The following TDRD6 variants were observed in gnomAD, a reference collection of about 807,000 sequenced individuals.
TDRD6 encodes the protein tudor domain containing 6, also known as tudor domain-containing protein 6.
A neutral mutation model predicts 157.5 loss-of-function variants in TDRD6; 186 were observed. The ratio of observed to expected loss-of-function variants is 1.18; its 90% CI spans 1.05 to 1.33. The LOEUF (loss-of-function observed/expected upper bound fraction) is 1.33. Ranked by LOEUF, TDRD6 falls within the 40% of genes most tolerant of loss-of-function variation. The probability of loss-of-function intolerance (pLI) is 0.00; values close to 1 mark genes in which losing one functional copy is unlikely to be tolerated. For missense variants in TDRD6, 3,066 were observed against 2,508.0 expected (o/e 1.22, Z -4.75); for synonymous variants, 1,075 against 945.2 (o/e 1.14, Z -2.52).
chr6:46,693,067 T>C lies in TDRD6; in HGVS notation c.4939T>C (p.Ser1647Pro), dbSNP rs1193971216. ...SGFNISEGLC[S>P]QEGNDYFYEI... ...GTTTAACATTTCAGAAGGATTATGT[T>C]CTCAAGAGGGAAATGACTATTTCTA... Residue 1647 changes from serine to proline, a missense_variant, in exon 1 of 4, where the codon TCT becomes CCT. Ser to Pro is a moderately conservative substitution (Grantham distance 74, BLOSUM62 -1). Transcript: ENST00000316081. 1 of 1,613,996 alleles carries C rather than the reference T, an allele frequency of 6.2e-7. No individual in the cohort carries two copies. The highest frequency in any genetic ancestry group is 8.5e-7 in the Non-Finnish European group (1 of 1,179,984).
At position 46,690,090 on chromosome 6, in the gene TDRD6, A is replaced by G. The variant is rs200022627; in HGVS notation, c.1962A>G (p.Glu654=). Residue 654 remains glutamate, a synonymous_variant, in exon 1 of 4, where the codon GAA becomes GAG. Coordinates refer to ENST00000316081, the MANE Select transcript of TDRD6 (RefSeq NM_001010870.3). Reference sequence around the variant, plus strand: ...TTGACGAATCAAGAACAGGGGAAGAAAACATTAGTAAGGTAATTGCCCAAG... The same window carrying G: ...TTGACGAATCAAGAACAGGGGAAGAGAACATTAGTAAGGTAATTGCCCAAG... ...EILDESRTGE[E]NISKVIAQAG... 2 of 1,614,038 alleles carry G rather than the reference A, an allele frequency of 1.2e-6. No homozygotes were observed. The highest frequency in any genetic ancestry group is 4.5e-5 in the East Asian group (2 of 44,890).
At position 46,701,855 on chromosome 6, in the gene TDRD6, C is replaced by T; in HGVS notation, c.6262-3C>T. 1.2e-6 allele frequency: 2 copies of T among 1,611,900 alleles called. No homozygotes were observed. Among genetic ancestry groups the T allele is most frequent in the Non-Finnish European group, 1.7e-6 (2 of 1,178,592 alleles). On this transcript the variant is annotated splice_region_variant and splice_polypyrimidine_tract_variant and intron_variant, in intron 3 of 3. Coordinates refer to ENST00000316081, the MANE Select transcript of TDRD6 (RefSeq NM_001010870.3). The stretch of plus-strand genomic sequence containing the variant: ...GTTTGAAGTTTTTCTCTTTTTGTTT[C>T]AGAAAAGGGGTTTGGAGGTGATGGA...
chr6:46,696,234 T>A (rs1409228016), intron 2 of TDRD6, among the ~76,000 whole-genome samples: 1 of 152,040 alleles, frequency 6.6e-6, no homozygotes, highest in African/African-American at 2.4e-5. Flanking sequence ...TTATATCTAA[T>A]GCCACTACCT....
chr6:46,692,168 A>G lies in TDRD6; in HGVS notation c.4040A>G (p.Tyr1347Cys), dbSNP rs1562056665. The G allele has an allele frequency of 1.9e-6, 3 of 1,614,128 alleles. No individual in the cohort carries two copies. The highest frequency in any genetic ancestry group is 2.5e-6 in the Non-Finnish European group (3 of 1,179,986). The part of the protein sequence containing the change: ...RLNSVKTRPE[Y>C]YVGPPLQRGD... ...AACAGTGTTAAAACAAGGCCCGAAT[A>G]TTATGTAGGTCCACCTTTGCAAAGA... The change falls in exon 1 of 4, where the codon TAT becomes TGT. Residue 1347 changes from tyrosine (Y) to cysteine (C), a missense_variant. By Grantham distance (194) the Tyr-to-Cys change is radical (BLOSUM62 -2). Coordinates refer to ENST00000316081, the MANE Select transcript of TDRD6 (RefSeq NM_001010870.3).
rs1018050322 is a variant in TDRD6, at chr6:46,693,439, C to T, written c.5311C>T (p.Pro1771Ser). Reference sequence around the variant, plus strand: ...AACCAAACCAAGTAACTTCCGTGACCCTAAAACTGATAACATTTGTGAAGG... The same window carrying T: ...AACCAAACCAAGTAACTTCCGTGACTCTAAAACTGATAACATTTGTGAAGG... ...IGTKPSNFRDPKTDNICEGFE... is the reference protein window; with the variant it reads ...IGTKPSNFRDSKTDNICEGFE... The change falls in exon 1 of 4, where the codon CCT becomes TCT. Residue 1771 changes from proline to serine, a missense_variant. Physicochemically the swap from Pro to Ser is moderately conservative, Grantham distance 74. Coordinates refer to ENST00000316081, the MANE Select transcript of TDRD6 (RefSeq NM_001010870.3). 1 of 1,613,940 alleles carries T rather than the reference C, an allele frequency of 6.2e-7. No individual in the cohort carries two copies. The highest frequency in any genetic ancestry group is 8.5e-7 in the Non-Finnish European group (1 of 1,179,994).
chr6:46,685,415 A>G (rs1235885974), upstream of TDRD6, among the ~76,000 whole-genome samples: 1 of 152,210 alleles, frequency 6.6e-6, no homozygotes, highest in Non-Finnish European at 1.5e-5. Flanking sequence ...CTAAGACAGC[A>G]CAAAATAAGT....
Position 46,694,029 on chromosome 6 carries a change from AAC to A in TDRD6, c.5905_5906del (p.Gln1969GlufsTer2). On this transcript the variant is annotated frameshift_variant, in exon 1 of 4. Transcript: ENST00000316081. LOFTEE classifies it high-confidence loss of function. ...HLHGADCDPK[T>X]QNEMNICEEE... ...TACATGGAGCAGATTGTGATCCTAA[AAC>A]ACAGAATGAAATGAATATATGTGAA... 3.1e-6 allele frequency: 5 copies of A among 1,614,010 alleles called. No homozygotes were observed. The highest frequency in any genetic ancestry group is 1.3e-5 in the African/African-American group (1 of 75,058).
At chr6:46,696,756 C>T (rs1582551144) in intron 2 of TDRD6, among the ~76,000 whole-genome samples, 2 of 149,428 alleles carry the variant, frequency 1.3e-5, no homozygotes, top group Admixed American at 1.3e-4. Flanking sequence ...GGACTACAGG[C>T]GCCCACCACG....
rs749407910 is a variant in TDRD6 at position 46,689,573 on chromosome 6, G to A, written c.1445G>A (p.Arg482Lys). The A allele has an allele frequency of 1.2e-6, 2 of 1,614,174 alleles. No homozygotes were observed. Among genetic ancestry groups the A allele is most frequent in the Non-Finnish European group, 1.7e-6 (2 of 1,180,050 alleles). ...EISLPALRSI[R>K]LKMNAFYDAQ... Reference sequence around the variant, plus strand: ...TCACTCCCAGCCTTAAGATCTATCAGGTTAAAGATGAATGCCTTCTACGAT... The same window carrying A: ...TCACTCCCAGCCTTAAGATCTATCAAGTTAAAGATGAATGCCTTCTACGAT... The change falls in exon 1 of 4, where the codon AGG becomes AAG. Residue 482 changes from arginine (R) to lysine (K), a missense_variant. Physicochemically the swap from Arg to Lys is conservative, Grantham distance 26. Transcript: ENST00000316081.
chr6:46,680,434 A>T, the TDRD6 span, among the ~76,000 whole-genome samples: 21 of 152,306 alleles, frequency 1.4e-4, no homozygotes, highest in East Asian at 2.7e-3. Context: ...ATAGAATTTT[A>T]AAAATGTCAT....
the TDRD6 span, among the ~76,000 whole-genome samples, chr6:46,682,561 G>T: frequency 1.3e-5 from 2 of 151,602 alleles, no homozygotes; most frequent in Non-Finnish European, 3.0e-5. Flanking sequence ...ATTCACAGAT[G>T]ATATAATTAC....
In TDRD6 at chr6:46,688,479, A is replaced by G. The variant is rs1764182573; in HGVS notation, c.351A>G (p.Arg117=). ...CAGGCTCGCTGGCGCCTGGGCGCAGAGAGTTCTTCAATTTGCCCTCGGAAG... is the reference window on the plus strand; with the variant it reads ...CAGGCTCGCTGGCGCCTGGGCGCAGGGAGTTCTTCAATTTGCCCTCGGAAG... ...AGAGSLAPGR[R]EFFNLPSEVL... is the part of the protein sequence containing the mutation. The change falls in exon 1 of 4, where the codon AGA becomes AGG. Residue 117 remains arginine, a synonymous_variant. Coordinates refer to ENST00000316081, the MANE Select transcript of TDRD6 (RefSeq NM_001010870.3). 5 of 1,550,798 alleles carry G rather than the reference A, an allele frequency of 3.2e-6. No homozygotes were observed. Among genetic ancestry groups the G allele is most frequent in the Admixed American group, 1.9e-5 (1 of 51,612 alleles).
rs751620077 is a variant in TDRD6, at chr6:46,689,928, C to A, written c.1800C>A (p.Cys600Ter). ...AGCTACCAATATTGGCTGTGAAGTG[C>A]ACCCTGGCTGATATTTGGCCTTTGG... Reference protein sequence around the residue: ...FRQLPILAVKCTLADIWPLGK... With the variant: ...FRQLPILAVK The change falls in exon 1 of 4, where the codon TGC becomes TGA. Residue 600 changes from cysteine to a stop codon, truncating the protein, a stop_gained. Transcript: ENST00000316081. LOFTEE classifies it high-confidence loss of function. 3.1e-6 allele frequency: 5 copies of A among 1,614,160 alleles called. No homozygotes were observed. Among genetic ancestry groups the A allele is most frequent in the Non-Finnish European group, 4.2e-6 (5 of 1,180,026 alleles).
chr6:46,684,563 A>G (rs1364999639), upstream of TDRD6, among the ~76,000 whole-genome samples: 1 of 152,132 alleles, frequency 6.6e-6, no homozygotes, highest in African/African-American at 2.4e-5. Flanking sequence ...CTCCATCTCT[A>G]TAATTTTATT....
At position 46,693,237 on chromosome 6, in the gene TDRD6, T is replaced by G; in HGVS notation, c.5109T>G (p.Ile1703Met). The G allele has an allele frequency of 6.2e-7, 1 of 1,613,426 alleles. No homozygotes were observed. Among genetic ancestry groups the G allele is most frequent in the South Asian group, 1.1e-5 (1 of 90,940 alleles). Residue 1703 changes from isoleucine to methionine, a missense_variant, in exon 1 of 4, where the codon ATT becomes ATG. Coordinates refer to ENST00000316081, the MANE Select transcript of TDRD6 (RefSeq NM_001010870.3). ...TGGAGAAATATTCTAAGACTGGTAT[T>G]AAAAGTGCTCTTCCCTATGAAAATA... ...EKMEKYSKTG[I>M]KSALPYENID...
chr6:46,687,868 C>G, upstream of TDRD6: 1 of 454,122 alleles, frequency 2.2e-6, no homozygotes, highest in South Asian at 4.0e-5. Context: ...AGTGGCGGCG[C>G]CGAGTGAGGT....
Position 46,688,366 on chromosome 6 carries a change from T to C in TDRD6, c.238T>C (p.Leu80=), listed in dbSNP as rs1764174771. The C allele has an allele frequency of 1.3e-6, 2 of 1,533,832 alleles. No individual in the cohort carries two copies. The highest frequency in any genetic ancestry group is 2.0e-5 in the Admixed American group (1 of 50,814). The change falls in exon 1 of 4, where the codon TTG becomes CTG. Residue 80 remains leucine, a synonymous_variant. Coordinates refer to ENST00000316081, the MANE Select transcript of TDRD6 (RefSeq NM_001010870.3). ...GCTGTGCCTGGTGCAGGTCGGGCTT[T>C]TGTGGCACCGCTGCCGCGTGGTCAG... is the stretch of plus-strand genomic sequence containing the variant. ...GELCLVQVGL[L]WHRCRVVSRQ...
Position 46,690,096 on chromosome 6 carries a change from T to A in TDRD6, c.1968T>A (p.Ile656=), listed in dbSNP as rs1365129644. ...LDESRTGEEN[I]SKVIAQAGYA... ...AATCAAGAACAGGGGAAGAAAACAT[T>A]AGTAAGGTAATTGCCCAAGCTGGAT... Residue 656 remains isoleucine, a synonymous_variant, in exon 1 of 4, where the codon ATT becomes ATA. Coordinates refer to ENST00000316081, the MANE Select transcript of TDRD6 (RefSeq NM_001010870.3). 6.2e-7 allele frequency: 1 copy of A among 1,613,864 alleles called. No homozygotes were observed. Among genetic ancestry groups the A allele is most frequent in the South Asian group, 1.1e-5 (1 of 91,046 alleles).
In TDRD6 at chr6:46,688,728, G is replaced by T. The variant is rs1192266288; in HGVS notation, c.600G>T (p.Val200=). The T allele has an allele frequency of 1.3e-6, 2 of 1,599,346 alleles. No homozygotes were observed. The highest frequency in any genetic ancestry group is 2.7e-5 in the African/African-American group (2 of 75,030). Reference sequence around the variant, plus strand: ...GGGAGCTGGGCCTGGCTCGGCGGGTGCCCGACAGCCTCTTCCGTTCGCTGC... The same window carrying T: ...GGGAGCTGGGCCTGGCTCGGCGGGTTCCCGACAGCCTCTTCCGTTCGCTGC... The part of the protein sequence containing the change: ...QMRELGLARR[V]PDSLFRSLLE... Residue 200 remains valine, a synonymous_variant, in exon 1 of 4, where the codon GTG becomes GTT. Transcript: ENST00000316081.
Sources: allele counts gnomAD v4.1 joint callset (sites outside exome capture counted in the v4.1 genomes callset), GRCh38; gene constraint gnomAD v4.1.1; transcripts MANE v1.5; gene names NCBI Gene and HGNC (gene_info 2026-07-23, HGNC 2026-07-21).